The following NFIB variants were observed in gnomAD, a reference collection of about 807,000 sequenced individuals.
The protein encoded by NFIB is nuclear factor I B.
Under a neutral mutation model 61.5 loss-of-function variants are expected in NFIB, and 11 were observed. The observed-to-expected ratio is 0.18, with a 90% CI of 0.11 to 0.30. The LOEUF (loss-of-function observed/expected upper bound fraction) is 0.30. Among genes scored for constraint, NFIB ranks in the 10% least tolerant of loss-of-function variants. The pLI is 1.00. For synonymous variants in NFIB, 260 were observed against 216.5 expected (o/e 1.20, Z -1.76); for missense variants, 471 against 608.9 (o/e 0.77, Z 2.38).
Position 14,155,869 on chromosome 9 carries a change from T to A in NFIB, c.641A>T (p.Lys214Ile). Residue 214 changes from lysine to isoleucine, a missense_variant, in exon 4 of 11, where the codon AAA (lysine) becomes ATA (isoleucine). Lys to Ile is a moderately radical substitution (Grantham distance 102, BLOSUM62 -3). Around this residue, in one of 2 missense-constraint regions of NFIB, gnomAD observed 372 missense variants for 395.6 expected, o/e 0.94. Transcript: ENST00000380953. ...PPGYLEDSFV[K>I]SGVFNVSELV... Reference sequence around the variant, plus strand: ...TTCTGATACATTGAAGACTCCAGATTTTACAAAACTATCCTCAAGGTAACC... The same window carrying A: ...TTCTGATACATTGAAGACTCCAGATATTACAAAACTATCCTCAAGGTAACC... 6.3e-7 allele frequency: 1 copy of A among 1,586,838 alleles called. No homozygotes were observed. The highest frequency in any genetic ancestry group is 8.6e-7 in the Non-Finnish European group (1 of 1,164,924).
intron 1 of NFIB, among the ~76,000 whole-genome samples, chr9:14,332,330 C>CA (rs5896627): frequency 0.78 from 84,714 of 107,932 alleles, 35,479 homozygotes; most frequent in Non-Finnish European, 0.91. Flanking sequence ...GAGACTCCGT[C>CA]AAAAAAAAAA....
the NFIB span, among the ~76,000 whole-genome samples, chr9:14,502,590 G>T: frequency 1.3e-5 from 2 of 152,178 alleles, no homozygotes; most frequent in Admixed American, 1.3e-4. Flanking sequence ...TTACACAGCG[G>T]ATGATTAACA....
At chr9:14,470,475 G>A in the NFIB span, among the ~76,000 whole-genome samples, 1 of 152,088 alleles carries the variant, frequency 6.6e-6, no homozygotes, top group African/African-American at 2.4e-5. Context: ...AATTTGAATT[G>A]TCCTATCTAC....
chr9:14,169,044 T>G (rs748944834), intron 3 of NFIB, among the ~76,000 whole-genome samples: 1 of 152,222 alleles, frequency 6.6e-6, no homozygotes, highest in Non-Finnish European at 1.5e-5. Context: ...CTTACTTATT[T>G]AGAAAATACT....
At chr9:14,128,978 A>G (rs547631314) in intron 6 of NFIB, among the ~76,000 whole-genome samples, 35 of 152,302 alleles carry the variant, frequency 2.3e-4, no homozygotes, top group African/African-American at 7.7e-4. Flanking sequence ...CCAAAATGAC[A>G]CACTTGCTTT....
At chr9:14,457,512 C>T in the NFIB span, among the ~76,000 whole-genome samples, 2 of 150,568 alleles carry the variant, frequency 1.3e-5, no homozygotes, top group African/African-American at 4.9e-5. Flanking sequence ...TAACTAAGAT[C>T]AGAGAAGAAC....
chr9:14,265,605 A>G (rs1263757355), intron 2 of NFIB, among the ~76,000 whole-genome samples: 1 of 152,208 alleles, frequency 6.6e-6, no homozygotes, highest in Admixed American at 6.5e-5. Flanking sequence ...CACAGTCTAT[A>G]GTATTTTGTT....
intron 2 of NFIB, among the ~76,000 whole-genome samples, chr9:14,253,771 T>C (rs995145233): frequency 6.6e-6 from 1 of 152,200 alleles, no homozygotes; most frequent in Non-Finnish European, 1.5e-5. Context: ...CTAGGTATCT[T>C]TGCGGAATTG....
chr9:14,218,188 A>G (rs1245966658), intron 2 of NFIB, among the ~76,000 whole-genome samples: 1 of 152,248 alleles, frequency 6.6e-6, no homozygotes, highest in Non-Finnish European at 1.5e-5. Context: ...AATACTGAAG[A>G]AAAAGGCCAG....
chr9:14,212,156 CG>C (rs1563906568), intron 2 of NFIB, among the ~76,000 whole-genome samples: 1 of 152,190 alleles, frequency 6.6e-6, no homozygotes, highest in Admixed American at 6.5e-5. Flanking sequence ...GCCTAGCCTA[CG>C]GCTGTAAGGA....
At chr9:14,146,041 G>A (rs1262828227) in intron 6 of NFIB, among the ~76,000 whole-genome samples, 1 of 151,924 alleles carries the variant, frequency 6.6e-6, no homozygotes, top group Admixed American at 6.6e-5. Context: ...GGAAAGCATG[G>A]ATATATCTAA....
the NFIB span, among the ~76,000 whole-genome samples, chr9:14,520,846 T>A: frequency 3.8e-3 from 583 of 152,334 alleles, 6 homozygotes; most frequent in African/African-American, 0.013. Flanking sequence ...TTCAGTTCTA[T>A]GTATAAATGA....
At chr9:14,322,028 T>G in intron 1 of NFIB, 1 of 1,228,510 alleles carries the variant, frequency 8.1e-7, no homozygotes, top group South Asian at 4.1e-5. Flanking sequence ...AGGTACAGAT[T>G]TGTGGATTTT....
chr9:14,412,202 T>C, the NFIB span, among the ~76,000 whole-genome samples: 7 of 152,212 alleles, frequency 4.6e-5, no homozygotes, highest in Non-Finnish European at 1.0e-4. Flanking sequence ...ATAAAGTACT[T>C]ACATATGGTC....
chr9:14,158,350 C>T (rs2131244818), intron 3 of NFIB, among the ~76,000 whole-genome samples: 1 of 152,282 alleles, frequency 6.6e-6, no homozygotes, highest in East Asian at 1.9e-4. Flanking sequence ...GTAAACTGCT[C>T]CTCCAACTCC....
Position 14,313,402 on chromosome 9 carries a change from C to A in NFIB, c.30+80G>T. The A allele has an allele frequency of 4.4e-6, 7 of 1,596,510 alleles. No homozygotes were observed. In the South Asian group the frequency reaches 7.7e-5, roughly 18 times the overall value. ...GGGGATGTGCGGAGGTTAACTCAAGCCGCTAATTGTCCGCAACAAAACAAA... is the reference window on the plus strand; with the variant it reads ...GGGGATGTGCGGAGGTTAACTCAAGACGCTAATTGTCCGCAACAAAACAAA... On this transcript the variant is annotated intron_variant, in intron 1 of 10. Coordinates refer to ENST00000380953, the MANE Select transcript of NFIB (RefSeq NM_001190737.2). The surrounding 1 kb of genome is among the most constrained non-coding windows in gnomAD (Gnocchi z 4.5).
At chr9:14,214,754 T>C (rs1367420820) in intron 2 of NFIB, among the ~76,000 whole-genome samples, 1 of 152,238 alleles carries the variant, frequency 6.6e-6, no homozygotes, top group African/African-American at 2.4e-5. Flanking sequence ...GTCCTGACTC[T>C]CTTTTCCATT....
At chr9:14,499,472 G>C in the NFIB span, among the ~76,000 whole-genome samples, 1 of 152,196 alleles carries the variant, frequency 6.6e-6, no homozygotes, top group Non-Finnish European at 1.5e-5. Context: ...AGGTTGACCA[G>C]AACAGGGGAC....
the NFIB span, among the ~76,000 whole-genome samples, chr9:14,411,841 T>C: frequency 6.6e-6 from 1 of 152,082 alleles, no homozygotes; most frequent in Non-Finnish European, 1.5e-5. Flanking sequence ...TGAGACTAGG[T>C]ATAAAAAACA....
Sources: allele counts gnomAD v4.1 joint callset (sites outside exome capture counted in the v4.1 genomes callset), GRCh38; gene constraint gnomAD v4.1.1; regional missense constraint gnomAD v4.1.1; non-coding constraint Gnocchi (gnomAD v3.1); transcripts MANE v1.5; gene names NCBI Gene and HGNC (gene_info 2026-07-23, HGNC 2026-07-21).